SLC13A3: variants seen among roughly 807,000 people sequenced by gnomAD.
SLC13A3 encodes the protein solute carrier family 13 member 3.
In SLC13A3, 40 loss-of-function variants were observed where a neutral mutation model predicts 59.0. The ratio of observed to expected loss-of-function variants is 0.68; its 90% CI spans 0.53 to 0.88. SLC13A3 has a LOEUF of 0.88. SLC13A3 is among the 40% of genes least tolerant of loss of function. The pLI is 0.00. For missense variants in SLC13A3, 699 were observed against 783.2 expected, an observed-to-expected ratio of 0.89 and a Z score of 1.28; for synonymous variants, 317 against 330.3, an observed-to-expected ratio of 0.96 and a Z score of 0.44.
chr20:46,594,369 T>C (rs1444313600), intron 5 of SLC13A3, among the ~76,000 whole-genome samples: 1 of 152,104 alleles, frequency 6.6e-6, no homozygotes, highest in Admixed American at 6.5e-5. Context: ...CCTACTCACA[T>C]CAGGGCAGGC....
At chr20:46,648,290 G>A (rs1425551105) in intron 1 of SLC13A3, among the ~76,000 whole-genome samples, 3 of 151,904 alleles carry the variant, frequency 2.0e-5, no homozygotes, top group African/African-American at 4.8e-5. Flanking sequence ...CAATAAAGAT[G>A]ATGATGTTTT....
upstream of SLC13A3, among the ~76,000 whole-genome samples, chr20:46,654,591 G>T (rs1600620580): frequency 1.3e-5 from 2 of 151,978 alleles, no homozygotes; most frequent in African/African-American, 4.8e-5. Context: ...GTGCAATGGC[G>T]CCATCTCAGC....
chr20:46,651,572 G>A (rs1439880759), upstream of SLC13A3: 6 of 1,303,398 alleles, frequency 4.6e-6, no homozygotes, highest in South Asian at 2.2e-5. Context: ...TGGTGCCTGC[G>A]CCCCTGGGAC....
At chr20:46,664,459 G>A (rs531664919) in intron 1 of SLC13A3, among the ~76,000 whole-genome samples, 7 of 152,036 alleles carry the variant, frequency 4.6e-5, no homozygotes, top group Admixed American at 2.6e-4. Flanking sequence ...AGCAAACTTG[G>A]GATTAATCAG....
chr20:46,577,038 A>G (rs112443001), intron 9 of SLC13A3, among the ~76,000 whole-genome samples: 1 of 132,792 alleles, frequency 7.5e-6, no homozygotes, highest in Admixed American at 7.4e-5. Context: ...CCGCAGGTGT[A>G]TGAAGCCCAC....
chr20:46,571,518 A>G (rs1198551747), intron 10 of SLC13A3, among the ~76,000 whole-genome samples: 2 of 152,144 alleles, frequency 1.3e-5, no homozygotes, highest in Non-Finnish European at 2.9e-5. Context: ...TATGTTAGCA[A>G]TTCTCAAAGC....
At chr20:46,591,632 G>A (rs1005884679) in intron 6 of SLC13A3, among the ~76,000 whole-genome samples, 1 of 152,122 alleles carries the variant, frequency 6.6e-6, no homozygotes, top group African/African-American at 2.4e-5. Context: ...TCTCCTCAAC[G>A]TAAGTAGACT....
intron 9 of SLC13A3, among the ~76,000 whole-genome samples, chr20:46,577,792 A>T (rs564634726): frequency 6.6e-6 from 1 of 152,172 alleles, no homozygotes; most frequent in Non-Finnish European, 1.5e-5. Flanking sequence ...TTTGAACTAG[A>T]CTTGAATCCT....
intron 1 of SLC13A3, chr20:46,682,415 A>C (rs1234391692): frequency 1.3e-5 from 2 of 152,194 alleles, no homozygotes; most frequent in East Asian, 3.8e-4. Flanking sequence ...GCTTGTTTGG[A>C]GCACTCACTA....
chr20:46,654,719 C>T (rs1320813196), upstream of SLC13A3, among the ~76,000 whole-genome samples: 1 of 152,062 alleles, frequency 6.6e-6, no homozygotes, highest in African/African-American at 2.4e-5. Context: ...TTAGTAGAGA[C>T]GGGTTTACAC....
In SLC13A3 at chr20:46,600,051, G is replaced by A. The variant is rs368761030; in HGVS notation, c.542-14C>T. On this transcript the variant is annotated splice_polypyrimidine_tract_variant and intron_variant, in intron 3 of 12. Transcript: ENST00000279027. ...TCCGCACAGCAGCTAGGAGGAAAGAGCATGATGTCTTTAATGTAATGTAGC... is the reference window on the plus strand; with the variant it reads ...TCCGCACAGCAGCTAGGAGGAAAGAACATGATGTCTTTAATGTAATGTAGC... 4 of 1,552,722 alleles carry A rather than the reference G, an allele frequency of 2.6e-6. No homozygotes were observed. The African/African-American group carries it at 4.1e-5, about 16-fold the overall frequency.
intron 3 of SLC13A3, chr20:46,600,621 G>A (rs975003421): frequency 4.3e-6 from 2 of 465,602 alleles, no homozygotes; most frequent in African/African-American, 4.0e-5. Context: ...TGAAAGGCCA[G>A]CTATGAATGG....
Position 46,557,962 on chromosome 20 carries a change from T to C in SLC13A3, c.*2060A>G, listed in dbSNP as rs1161213671. 1.3e-5 allele frequency: 2 copies of C among 152,244 alleles called. No homozygotes were observed. The highest frequency in any genetic ancestry group is 2.9e-5 in the Non-Finnish European group (2 of 68,052). The allele number at this position is 152,244 out of a possible 1,614,324, so 9.4% of individuals were successfully genotyped here. ...GCAGATTCAAGCAGCAAATATTTAC[T>C]GAACACTTGCTATGTGCTGGAAATT... On this transcript the variant is annotated 3_prime_UTR_variant, in exon 13 of 13. Coordinates refer to ENST00000279027, the MANE Select transcript of SLC13A3 (RefSeq NM_022829.6).
intron 11 of SLC13A3, among the ~76,000 whole-genome samples, chr20:46,565,852 C>T (rs1273389278): frequency 6.6e-6 from 1 of 152,188 alleles, no homozygotes; most frequent in Non-Finnish European, 1.5e-5. Flanking sequence ...AGTGTTGAAA[C>T]CCCTGCTTTA....
rs1182540032 is a variant in SLC13A3, at chr20:46,560,102, G to A, written c.1729C>T (p.Pro577Ser). 6.2e-7 allele frequency: 1 copy of A among 1,614,016 alleles called. No individual in the cohort carries two copies. The highest frequency in any genetic ancestry group is 8.5e-7 in the Non-Finnish European group (1 of 1,180,046). The change falls in exon 13 of 13, where the codon CCG becomes TCG. Residue 577 changes from proline (P) to serine (S), a missense_variant. Physicochemically the swap from Pro to Ser is moderately conservative, Grantham distance 74. Coordinates refer to ENST00000279027, the MANE Select transcript of SLC13A3 (RefSeq NM_022829.6). ...AQTIFQLGTFPDWADMYSVNV... is the reference protein window; with the variant it reads ...AQTIFQLGTFSDWADMYSVNV... The stretch of plus-strand genomic sequence containing the variant: ...ACCGAGTACATATCAGCCCAGTCCG[G>A]GAAGGTGCCCAGCTGGAAGATGGTC...
intron 3 of SLC13A3, among the ~76,000 whole-genome samples, chr20:46,604,680 C>A (rs528130938): frequency 6.6e-6 from 1 of 152,102 alleles, no homozygotes; most frequent in Non-Finnish European, 1.5e-5. Flanking sequence ...GCCCTGTTGA[C>A]CCCCTGCAGG....
intron 1 of SLC13A3, among the ~76,000 whole-genome samples, chr20:46,668,334 C>A (rs1410138899): frequency 6.6e-6 from 1 of 152,156 alleles, no homozygotes; most frequent in East Asian, 1.9e-4. Flanking sequence ...CCAATGAACA[C>A]ATGGATGATA....
At chr20:46,578,215 C>A (rs2062098329) in intron 9 of SLC13A3, among the ~76,000 whole-genome samples, 4 of 151,746 alleles carry the variant, frequency 2.6e-5, no homozygotes, top group Admixed American at 2.6e-4. Flanking sequence ...CAGGCGTGAG[C>A]CACCACGCCC....
intron 4 of SLC13A3, among the ~76,000 whole-genome samples, chr20:46,598,574 A>C (rs2062339413): frequency 1.3e-5 from 2 of 152,186 alleles, no homozygotes. Context: ...TTTCCAGGCC[A>C]CACAGTCATG....
Sources: gnomAD v4.1 joint callset for allele counts (sites outside exome capture counted in the v4.1 genomes callset) on GRCh38, gnomAD v4.1.1 for gene constraint, MANE v1.5 for transcripts, NCBI Gene and HGNC (gene_info 2026-07-23, HGNC 2026-07-21) for gene names.